Variants in PNPLA7 observed in about 807,000 individuals in gnomAD.
PNPLA7 encodes patatin like domain 7, lysophospholipase.
A neutral mutation model predicts 161.7 loss-of-function variants in PNPLA7; 153 were observed. The ratio of observed to expected loss-of-function variants is 0.95; its 90% CI spans 0.83 to 1.08. PNPLA7 has a LOEUF of 1.08. PNPLA7 is among the 50% of genes least tolerant of loss of function. PNPLA7 has a pLI of 0.00. For missense variants in PNPLA7, 1,739 were observed against 1,856.6 expected (o/e 0.94, Z 1.16); for synonymous variants, 809 against 782.1 (o/e 1.03, Z -0.57).
chr9:137,547,677 G>T lies in PNPLA7; in HGVS notation c.31-18C>A. On this transcript the variant is annotated intron_variant, in intron 1 of 34. Coordinates refer to ENST00000406427, the MANE Select transcript of PNPLA7 (RefSeq NM_001098537.3). The surrounding 1 kb of genome is among the most constrained non-coding windows in gnomAD (Gnocchi z 4.6). ...AAGTCAGCCTGCAGCAGAGAGCATG[G>T]GGTCAGGTGGGCATGGACAGGCTTC... is the stretch of plus-strand genomic sequence containing the variant. 1 of 1,612,282 alleles carries T rather than the reference G, an allele frequency of 6.2e-7. No homozygotes were observed.
rs2132135591 is a variant in PNPLA7, at chr9:137,479,068, G to T, written c.2751C>A (p.Ser917Arg). The change falls in exon 24 of 35, where the codon AGC (serine) becomes AGA (arginine). Residue 917 changes from serine (S) to arginine (R), a missense_variant. Coordinates refer to ENST00000406427, the MANE Select transcript of PNPLA7 (RefSeq NM_001098537.3). ...CTCCCCGCCTCACCAGCTTGGGCAGGCTCCTCCTGGAGAAGACGCGGCGCG... is the reference window on the plus strand; with the variant it reads ...CTCCCCGCCTCACCAGCTTGGGCAGTCTCCTCCTGGAGAAGACGCGGCGCG... ...CCPRRVFSRRSLPKLVEMYKH... is the reference protein window; with the variant it reads ...CCPRRVFSRRRLPKLVEMYKH... 2.5e-6 allele frequency: 4 copies of T among 1,587,436 alleles called. No individual in the cohort carries two copies. Among genetic ancestry groups the T allele is most frequent in the Non-Finnish European group, 3.4e-6 (4 of 1,164,906 alleles).
chr9:137,462,379 G>C, intron 30 of PNPLA7, 48 bp from the exon 31 acceptor site: 4 of 1,552,578 alleles, frequency 2.6e-6, no homozygotes, highest in Non-Finnish European at 3.5e-6. Flanking sequence ...CCCCTACCCC[G>C]TCCCAGCCTG....
chr9:137,543,443 C>T lies in PNPLA7; in HGVS notation c.495G>A (p.Leu165=), dbSNP rs772582131. The change falls in exon 6 of 35, where the codon CTG becomes CTA. Residue 165 remains leucine, a synonymous_variant. Transcript: ENST00000406427. The surrounding 1 kb of genome is among the most constrained non-coding windows in gnomAD (Gnocchi z 6.9). ...ATCCCCGCTCTTACCGAACGTTTTT[C>T]AGCATGTACAGAACTTCCGATGGCA... is the stretch of plus-strand genomic sequence containing the variant. ...SHLPSEVLYM[L]KNVRVLGHFE... is the part of the protein sequence containing the mutation. The T allele has an allele frequency of 3.8e-5, 62 of 1,613,980 alleles. No homozygotes were observed. The highest frequency in any genetic ancestry group is 1.4e-4 in the South Asian group (13 of 91,090).
At chr9:137,531,506 C>G (rs568311489) in intron 8 of PNPLA7, among the ~76,000 whole-genome samples, 1 of 152,160 alleles carries the variant, frequency 6.6e-6, no homozygotes, top group Non-Finnish European at 1.5e-5. Context: ...CAGGGGTCCC[C>G]GAGGGCTCCC....
intron 14 of PNPLA7, among the ~76,000 whole-genome samples, chr9:137,504,396 G>A (rs976829432): frequency 2.6e-5 from 4 of 152,200 alleles, no homozygotes; most frequent in Non-Finnish European, 5.9e-5. Context: ...ATCTTTAGTA[G>A]AAACAGAGTT....
In PNPLA7 at chr9:137,478,155, G is replaced by C. The variant is rs1430497926; in HGVS notation, c.2764-3C>G. 3.1e-6 allele frequency: 4 copies of C among 1,287,822 alleles called. No individual in the cohort carries two copies. In the African/African-American group the frequency reaches 6.2e-5, roughly 20 times the overall value. 79.8% of individuals were successfully genotyped at this position (1,287,822 alleles called of 1,614,324 possible). A position where few individuals can be genotyped will look rare whatever the true frequency, so the allele number is the denominator to read the frequency against. ...AAGACATGCTTGTACATCTCCACCTGGGGGAGGAGCCGTCAGGCAGGGCTG... is the reference window on the plus strand; with the variant it reads ...AAGACATGCTTGTACATCTCCACCTCGGGGAGGAGCCGTCAGGCAGGGCTG... On this transcript the variant is annotated splice_polypyrimidine_tract_variant and splice_region_variant and intron_variant, in intron 24 of 34. Coordinates refer to ENST00000406427, the MANE Select transcript of PNPLA7 (RefSeq NM_001098537.3).
In PNPLA7 at chr9:137,462,087, C is replaced by G. The variant is rs200454764; in HGVS notation, c.3646-46G>C. On this transcript the variant is annotated intron_variant, in intron 31 of 34. Coordinates refer to ENST00000406427, the MANE Select transcript of PNPLA7 (RefSeq NM_001098537.3). ...CCGTCAGGAGGTGTGGGGAGCCCCC[C>G]ACTTCCTGTGTTCTCAAAAGGGGGA... 2.0e-4 allele frequency: 299 copies of G among 1,526,924 alleles called. 4 individuals are homozygous for G. The East Asian group carries it at 7.1e-3, about 36-fold the overall frequency. 94.6% of individuals were successfully genotyped at this position (1,526,924 alleles called of 1,614,324 possible). A position where few individuals can be genotyped will look rare whatever the true frequency, so the allele number is the denominator to read the frequency against.
intron 25 of PNPLA7, among the ~76,000 whole-genome samples, chr9:137,469,525 C>T (rs574477981): frequency 2.0e-5 from 3 of 152,130 alleles, no homozygotes; most frequent in Non-Finnish European, 2.9e-5. Flanking sequence ...AACCTTTAAG[C>T]GAGCCTGAGA....
chr9:137,473,721 C>T (rs992303332), intron 25 of PNPLA7, among the ~76,000 whole-genome samples: 5 of 152,262 alleles, frequency 3.3e-5, no homozygotes, highest in South Asian at 2.1e-4. Context: ...CATCAGTCAT[C>T]GGAGGGATGC....
chr9:137,523,198 C>G lies in PNPLA7; in HGVS notation c.748-341G>C, dbSNP rs943920415. On this transcript the variant is annotated intron_variant, in intron 8 of 34. Coordinates refer to ENST00000406427, the MANE Select transcript of PNPLA7 (RefSeq NM_001098537.3). This position sits in a 1 kb window ranked among gnomAD's most constrained non-coding sequence, Gnocchi z 4.4. ...CACGGACCAGCTCACCAGCGTCCTA[C>G]TCTACGTCCGACATCAGCGTCGGTA... Among the ~76,000 whole-genome samples the G allele has an allele frequency of 6.6e-6, 1 of 152,202 alleles. No individual in the cohort carries two copies. The highest frequency in any genetic ancestry group is 2.4e-5 in the African/African-American group (1 of 41,444).
Position 137,519,948 on chromosome 9 carries a change from CTTT to C in PNPLA7, c.1050_1052del (p.Lys351del). On this transcript the variant is annotated inframe_deletion, in exon 11 of 35. Coordinates refer to ENST00000406427, the MANE Select transcript of PNPLA7 (RefSeq NM_001098537.3). ...CACAGGACTCCTGGAGCCGCGGTGG[CTTT>C]TTAAGCCGCTCTTCTTCGCCATAGA... 2 of 1,612,776 alleles carry C rather than the reference CTTT, an allele frequency of 1.2e-6. No individual in the cohort carries two copies. Among genetic ancestry groups the C allele is most frequent in the South Asian group, 2.2e-5 (2 of 91,076 alleles).
chr9:137,521,080 C>T (rs896456130), intron 10 of PNPLA7, among the ~76,000 whole-genome samples: 3 of 150,444 alleles, frequency 2.0e-5, no homozygotes, highest in Admixed American at 6.6e-5. Flanking sequence ...CCCCATGGGA[C>T]GGGCATGGGG....
rs1831552174 is a variant in PNPLA7, at chr9:137,467,956, G to A, written c.2883-483C>T. On this transcript the variant is annotated intron_variant, in intron 25 of 34. Transcript: ENST00000406427. This position sits in a 1 kb window ranked among gnomAD's most constrained non-coding sequence, Gnocchi z 5.1. The stretch of plus-strand genomic sequence containing the variant: ...TGAAATCCTTCCTTCTGGAGGTACT[G>A]AGGGACTGTGAGGCTGGGATGGGGA... Among the ~76,000 whole-genome samples the A allele has an allele frequency of 6.6e-6, 1 of 152,112 alleles. No individual in the cohort carries two copies. Among genetic ancestry groups the A allele is most frequent in the African/African-American group, 2.4e-5 (1 of 41,426 alleles).
intron 14 of PNPLA7, among the ~76,000 whole-genome samples, chr9:137,502,960 G>T (rs1385161728): frequency 7.9e-5 from 12 of 151,950 alleles, no homozygotes; most frequent in Non-Finnish European, 1.8e-4. Context: ...TACGGAAGGG[G>T]TGCAGAGAAA....
chr9:137,545,536 A>G (rs1047975588), intron 4 of PNPLA7, among the ~76,000 whole-genome samples: 2 of 152,230 alleles, frequency 1.3e-5, no homozygotes, highest in Non-Finnish European at 2.9e-5. Flanking sequence ...GCGGCAAGCG[A>G]CTGAGGGCAT....
At chr9:137,479,486 C>T (rs915514594) in intron 23 of PNPLA7, 17 of 1,217,316 alleles carry the variant, frequency 1.4e-5, no homozygotes, top group Non-Finnish European at 1.6e-5. Context: ...CTTTCTGTTT[C>T]TCTAACACTG....
chr9:137,491,586 C>A, intron 20 of PNPLA7: 2 of 985,354 alleles, frequency 2.0e-6, no homozygotes, highest in Non-Finnish European at 2.4e-6. Context: ...GTGTTAGTGT[C>A]CCCCCAAATT....
chr9:137,501,450 G>A (rs997126489), intron 15 of PNPLA7, among the ~76,000 whole-genome samples, 200 bp downstream of exon 15: 17 of 152,212 alleles, frequency 1.1e-4, no homozygotes, highest in Non-Finnish European at 2.5e-4. Flanking sequence ...AGTGCAGCAG[G>A]GGCCAAAGGT....
At chr9:137,495,689 C>T (rs1482977015) in intron 18 of PNPLA7, among the ~76,000 whole-genome samples, 27 of 152,286 alleles carry the variant, frequency 1.8e-4, no homozygotes, top group Admixed American at 1.2e-3. Context: ...CATGGTCCGC[C>T]GCCTCGGCCT....
Sources: allele counts gnomAD v4.1 joint callset (sites outside exome capture counted in the v4.1 genomes callset), GRCh38; gene constraint gnomAD v4.1.1; non-coding constraint Gnocchi (gnomAD v3.1); transcripts MANE v1.5; gene names NCBI Gene and HGNC (gene_info 2026-07-23, HGNC 2026-07-21).